Variants in PCCA observed in about 807,000 individuals in gnomAD.
PCCA encodes propionyl-CoA carboxylase alpha chain, mitochondrial.
PCCA carries 74 observed loss-of-function variants against 101.3 expected under a neutral mutation model. The ratio of observed to expected loss-of-function variants is 0.73; its 90% CI spans 0.61 to 0.89. The LOEUF (loss-of-function observed/expected upper bound fraction) is 0.89. Among genes scored for constraint, PCCA ranks in the 40% least tolerant of loss-of-function variants. The probability of loss-of-function intolerance (pLI) is 0.00; values close to 1 mark genes in which losing one functional copy is unlikely to be tolerated. For missense variants in PCCA, 891 were observed against 907.0 expected (o/e 0.98, Z 0.23); for synonymous variants, 294 against 313.6 (o/e 0.94, Z 0.66).
intron 21 of PCCA, among the ~76,000 whole-genome samples, chr13:100,450,309 G>A (rs1044733165): frequency 6.6e-6 from 1 of 151,786 alleles, no homozygotes; most frequent in African/African-American, 2.4e-5. Flanking sequence ...CAGGAGAATC[G>A]CCTGAACTGA....
rs993964468 is a variant in PCCA at position 100,350,351 on chromosome 13, A to G, written c.1643+10092A>G. 5.4e-5 allele frequency among the ~76,000 whole-genome samples: 8 copies of G among 149,526 alleles called. No homozygotes were observed. In the East Asian group the frequency reaches 1.4e-3, roughly 26 times the overall value. The stretch of plus-strand genomic sequence containing the variant: ...ATACCTAACTATACAATAAAAAAAA[A>G]TAGCACTTTAAGTATATATTTACAA... On this transcript the variant is annotated intron_variant, in intron 18 of 23. Coordinates refer to ENST00000376285, the MANE Select transcript of PCCA (RefSeq NM_000282.4).
At chr13:100,370,616 CA>C (rs1183338304) in intron 19 of PCCA, among the ~76,000 whole-genome samples, 12 of 152,112 alleles carry the variant, frequency 7.9e-5, no homozygotes, top group Admixed American at 7.2e-4. Flanking sequence ...TAGCTACTGT[CA>C]GAGCATCAAT....
chr13:100,272,209 T>A (rs2063352630), intron 11 of PCCA, among the ~76,000 whole-genome samples: 1 of 152,222 alleles, frequency 6.6e-6, no homozygotes, highest in Non-Finnish European at 1.5e-5. Flanking sequence ...TTGCTGATTC[T>A]TGTTATTTGT....
chr13:100,273,104 G>T lies in PCCA; in HGVS notation c.915-92G>T, dbSNP rs1264997736. ...AAATTGGTATAGATGATCTATATCTGAGTAAACTTTAAGAAAATGTTTATG... is the reference window on the plus strand; with the variant it reads ...AAATTGGTATAGATGATCTATATCTTAGTAAACTTTAAGAAAATGTTTATG... On this transcript the variant is annotated intron_variant, in intron 11 of 23. Coordinates refer to ENST00000376285, the MANE Select transcript of PCCA (RefSeq NM_000282.4). 1.6e-5 allele frequency: 14 copies of T among 889,178 alleles called. No homozygotes were observed. The East Asian group carries it at 3.6e-4, about 23-fold the overall frequency. 55.1% of individuals were successfully genotyped at this position (889,178 alleles called of 1,614,324 possible). A position where few individuals can be genotyped will look rare whatever the true frequency, so the allele number is the denominator to read the frequency against.
chr13:100,297,705 G>A (rs561827783), intron 12 of PCCA, among the ~76,000 whole-genome samples: 142 of 152,316 alleles, frequency 9.3e-4, no homozygotes, highest in African/African-American at 3.4e-3. Context: ...TAGCGTAGGT[G>A]TATGGAGCTA....
chr13:100,428,160 A>G (rs1437643961), intron 20 of PCCA, among the ~76,000 whole-genome samples: 1 of 151,798 alleles, frequency 6.6e-6, no homozygotes, highest in Admixed American at 6.6e-5. Context: ...TTGACCTCCC[A>G]GGCTCCAGCG....
At chr13:100,506,327 C>G (rs1015036359) in intron 21 of PCCA, among the ~76,000 whole-genome samples, 4 of 151,210 alleles carry the variant, frequency 2.6e-5, no homozygotes, top group African/African-American at 4.9e-5. Context: ...TCTTAGGCAA[C>G]CCCCCTACCA....
intron 20 of PCCA, among the ~76,000 whole-genome samples, chr13:100,435,096 A>G (rs1057496462): frequency 6.6e-6 from 1 of 152,200 alleles, no homozygotes; most frequent in Non-Finnish European, 1.5e-5. Context: ...CTATAAAGAA[A>G]AACCTGAGAC....
intron 6 of PCCA, among the ~76,000 whole-genome samples, chr13:100,207,353 C>A (rs1165939523): frequency 6.6e-6 from 1 of 152,006 alleles, no homozygotes; most frequent in East Asian, 1.9e-4. Flanking sequence ...TACTCATTTT[C>A]TCTGAATGAT....
intron 8 of PCCA, among the ~76,000 whole-genome samples, chr13:100,252,232 CTT>C (rs1208548304): frequency 6.6e-6 from 1 of 152,088 alleles, no homozygotes; most frequent in Non-Finnish European, 1.5e-5. Flanking sequence ...CCTGAAATAT[CTT>C]TTGTTTTCTT....
intron 8 of PCCA, among the ~76,000 whole-genome samples, chr13:100,241,093 TA>T (rs2061101295): frequency 6.6e-6 from 1 of 152,194 alleles, no homozygotes; most frequent in Non-Finnish European, 1.5e-5. Flanking sequence ...AAAATTAAGA[TA>T]AATTTTTAAT....
intron 20 of PCCA, among the ~76,000 whole-genome samples, chr13:100,432,111 C>G (rs2079597464): frequency 6.6e-6 from 1 of 151,914 alleles, no homozygotes; most frequent in Admixed American, 6.6e-5. Flanking sequence ...GACCCCTGCA[C>G]TCCAGCCTGG....
intron 17 of PCCA, among the ~76,000 whole-genome samples, chr13:100,337,239 C>T (rs1595427401): frequency 6.6e-6 from 1 of 152,286 alleles, no homozygotes; most frequent in African/African-American, 2.4e-5. Context: ...CCCCTCATGG[C>T]AGCCAGGCAG....
At chr13:100,247,385 T>A (rs960909577) in intron 8 of PCCA, among the ~76,000 whole-genome samples, 3 of 150,926 alleles carry the variant, frequency 2.0e-5, no homozygotes, top group African/African-American at 4.9e-5. Flanking sequence ...CCCGGCTAAT[T>A]TTTTGTATTT....
intron 12 of PCCA, among the ~76,000 whole-genome samples, chr13:100,276,213 CAAAAAAAAAAAAAAAAA>C (rs59671834): frequency 7.2e-4 from 74 of 102,112 alleles, no homozygotes; most frequent in East Asian, 1.5e-3. Flanking sequence ...TTGTCTGTAC[CAAAAAAAAAAAAAAAAA>C]AAAAAAAAAA....
chr13:100,373,269 A>T (rs1339282566), intron 19 of PCCA, among the ~76,000 whole-genome samples: 1 of 152,212 alleles, frequency 6.6e-6, no homozygotes, highest in African/African-American at 2.4e-5. Flanking sequence ...GGCTAGTATC[A>T]AATAAACAGA....
intron 4 of PCCA, among the ~76,000 whole-genome samples, chr13:100,114,979 C>A (rs2048668542): frequency 6.6e-6 from 1 of 152,146 alleles, no homozygotes; most frequent in South Asian, 2.1e-4. Context: ...TCTGCACTCC[C>A]ATGTTTATTG....
intron 12 of PCCA, among the ~76,000 whole-genome samples, chr13:100,291,937 A>G (rs2065157625): frequency 6.6e-6 from 1 of 152,204 alleles, no homozygotes; most frequent in Non-Finnish European, 1.5e-5. Flanking sequence ...GTTCAGCCAC[A>G]GAGGGAGAAG....
chr13:100,356,122 AATCATAGACCTAAATGTAACAGTGC>A (rs1175003705), intron 18 of PCCA, among the ~76,000 whole-genome samples: 1 of 152,168 alleles, frequency 6.6e-6, no homozygotes, highest in African/African-American at 2.4e-5. Flanking sequence ...GAACTTTAAG[AATCATAGACCTAAATGTAACAGTGC>A]ATACAACAAA....
Sources: allele counts gnomAD v4.1 joint callset (sites outside exome capture counted in the v4.1 genomes callset), GRCh38; gene constraint gnomAD v4.1.1; transcripts MANE v1.5; gene names NCBI Gene and HGNC (gene_info 2026-07-23, HGNC 2026-07-21).